The following SLC7A5 variants were observed in gnomAD, a reference collection of about 807,000 sequenced individuals.
SLC7A5 encodes solute carrier family 7 member 5.
A neutral mutation model predicts 50.2 loss-of-function variants in SLC7A5; 23 were observed. The ratio of observed to expected loss-of-function variants is 0.46; its 90% CI spans 0.33 to 0.65. The LOEUF is 0.65. Among genes scored for constraint, SLC7A5 ranks in the 30% least tolerant of loss-of-function variants. The probability of loss-of-function intolerance (pLI) is 0.02; values close to 1 mark genes in which losing one functional copy is unlikely to be tolerated. For synonymous variants in SLC7A5, 393 were observed against 330.6 expected, an observed-to-expected ratio of 1.19 and a Z score of -2.05; for missense variants, 578 against 684.4, an observed-to-expected ratio of 0.84 and a Z score of 1.73.
Position 87,837,931 on chromosome 16 carries a change from C to G in SLC7A5, c.1054G>C (p.Val352Leu). The G allele has an allele frequency of 6.2e-7, 1 of 1,604,022 alleles. No homozygotes were observed. The highest frequency in any genetic ancestry group is 8.5e-7 in the Non-Finnish European group (1 of 1,176,584). The change falls in exon 7 of 10, where the codon GTG becomes CTG. Residue 352 changes from valine to leucine, a missense_variant. Coordinates refer to ENST00000261622, the MANE Select transcript of SLC7A5 (RefSeq NM_003486.7). ...GGCAGGTGGCCTTCCCGGGACCCCA[C>G]GAAGAAGAGCCTGTGGACAGACAAG... ...SLFTSSRLFF[V>L]GSREGHLPSI...
At position 87,860,432 on chromosome 16, in the gene SLC7A5, C is replaced by A. The variant is rs1038632866; in HGVS notation, c.538+8453G>T. Among the ~76,000 whole-genome samples the A allele has an allele frequency of 6.7e-6, 1 of 150,022 alleles. No homozygotes were observed. The highest frequency in any genetic ancestry group is 2.5e-5 in the African/African-American group (1 of 40,626). On this transcript the variant is annotated intron_variant, in intron 1 of 9. Coordinates refer to ENST00000261622, the MANE Select transcript of SLC7A5 (RefSeq NM_003486.7). This position sits in a 1 kb window ranked among gnomAD's most constrained non-coding sequence, Gnocchi z 4.8. ...TATAAAGAAAAAGGAAATCTTCGAACCCACCTGTGACCAGGAAGCCCATCC... is the reference window on the plus strand; with the variant it reads ...TATAAAGAAAAAGGAAATCTTCGAAACCACCTGTGACCAGGAAGCCCATCC...
rs138164102 is a variant in SLC7A5, at chr16:87,861,703, C to G, written c.538+7182G>C. 1.4e-3 allele frequency among the ~76,000 whole-genome samples: 208 copies of G among 152,300 alleles called. 2 individuals are homozygous for G. Among genetic ancestry groups the G allele is most frequent in the African/African-American group, 4.8e-3 (198 of 41,562 alleles). On this transcript the variant is annotated intron_variant, in intron 1 of 9. Transcript: ENST00000261622. This position sits in a 1 kb window ranked among gnomAD's most constrained non-coding sequence, Gnocchi z 4.2. ...AACCCACCCTTCTGTGTGAAGGCGG[C>G]TGATACACATTTCTGGGCAAGATTC...
intron 2 of SLC7A5, among the ~76,000 whole-genome samples, chr16:87,849,770 G>A (rs1249509141): frequency 6.6e-6 from 1 of 152,102 alleles, no homozygotes; most frequent in Non-Finnish European, 1.5e-5. Context: ...GGGACTTCCT[G>A]CCAGCCCTGT....
Position 87,869,319 on chromosome 16 carries a change from G to T in SLC7A5, c.104C>A (p.Ser35Ter), listed in dbSNP as rs571025188. The T allele has an allele frequency of 6.2e-7, 1 of 1,610,750 alleles. No individual in the cohort carries two copies. The highest frequency in any genetic ancestry group is 8.5e-7 in the Non-Finnish European group (1 of 1,179,474). The change falls in exon 1 of 10, where the codon TCG becomes TAG. Residue 35 changes from serine (S) to a stop codon, truncating the protein, a stop_gained. Transcript: ENST00000261622. LOFTEE classifies it high-confidence loss of function. ...KMLAAKSADG[S>*]APAGEGEGVT... is the part of the protein sequence containing the mutation. ...GCCCTCGCCCTCGCCTGCCGGCGCC[G>T]AGCCGTCCGCGCTCTTGGCGGCCAG...
intron 1 of SLC7A5, among the ~76,000 whole-genome samples, chr16:87,858,264 C>T (rs1454391582): frequency 2.6e-5 from 4 of 152,154 alleles, no homozygotes; most frequent in Admixed American, 6.5e-5. Flanking sequence ...AAATACCTCG[C>T]GGACGTGTCT....
At chr16:87,844,952 G>C (rs948056642) in intron 2 of SLC7A5, among the ~76,000 whole-genome samples, 12 of 152,262 alleles carry the variant, frequency 7.9e-5, no homozygotes, top group African/African-American at 1.4e-4. Context: ...CCGGATTAGA[G>C]TAGGCACTAA....
At chr16:87,868,800 G>C in intron 1 of SLC7A5, 85 bp downstream of exon 1, 3 of 1,351,258 alleles carry the variant, frequency 2.2e-6, no homozygotes, top group Non-Finnish European at 3.1e-6. Flanking sequence ...ATGTAGAGAT[G>C]TGGGAGCCAG....
chr16:87,856,941 G>A (rs914176061), intron 1 of SLC7A5, among the ~76,000 whole-genome samples: 1 of 152,224 alleles, frequency 6.6e-6, no homozygotes, highest in African/African-American at 2.4e-5. Flanking sequence ...CAGGGAGGCT[G>A]GTGCTGCCGG....
chr16:87,850,687 G>A (rs1426173413), intron 2 of SLC7A5, among the ~76,000 whole-genome samples: 2 of 152,170 alleles, frequency 1.3e-5, no homozygotes, highest in African/African-American at 4.8e-5. Flanking sequence ...CATCCCTGCT[G>A]GACTCAAGCA....
At position 87,835,726 on chromosome 16, in the gene SLC7A5, G is replaced by A. The variant is rs567716521; in HGVS notation, c.1290+772C>T. Among the ~76,000 whole-genome samples, 69 of 152,148 alleles carry A rather than the reference G, an allele frequency of 4.5e-4. 1 individual carries two copies. The highest frequency in any genetic ancestry group is 1.2e-3 in the African/African-American group (50 of 41,522). Reference sequence around the variant, plus strand: ...CCTGACTTTGTGATCTGCCCGCCTCGGCCTCCCAAAGTGCTGGGATTACAG... The same window carrying A: ...CCTGACTTTGTGATCTGCCCGCCTCAGCCTCCCAAAGTGCTGGGATTACAG... On this transcript the variant is annotated intron_variant, in intron 8 of 9. Transcript: ENST00000261622.
Position 87,834,520 on chromosome 16 carries a change from T to C in SLC7A5, c.1362A>G (p.Thr454=). 1 of 1,596,376 alleles carries C rather than the reference T, an allele frequency of 6.3e-7. No individual in the cohort carries two copies. Among genetic ancestry groups the C allele is most frequent in the African/African-American group, 1.3e-5 (1 of 74,896 alleles). ...LFLIAVSFWK[T]PVECGIGFTI... ...TGAAGCCGATGCCACACTCCACGGG[T>C]GTCTTCCAGAAGGAGACGGCGATCA... is the stretch of plus-strand genomic sequence containing the variant. The change falls in exon 9 of 10, where the codon ACA becomes ACG. Residue 454 remains threonine (T), a synonymous_variant. Transcript: ENST00000261622.
At chr16:87,839,874 G>A (rs895496640) in intron 4 of SLC7A5, 49 bp from the exon 5 acceptor site, 14 of 1,611,080 alleles carry the variant, frequency 8.7e-6, no homozygotes, top group Non-Finnish European at 8.5e-6. Flanking sequence ...CGGGCTGAAG[G>A]CCAAACCCTG....
At chr16:87,845,375 C>A (rs1043169260) in intron 2 of SLC7A5, among the ~76,000 whole-genome samples, 3 of 152,184 alleles carry the variant, frequency 2.0e-5, no homozygotes, top group Non-Finnish European at 2.9e-5. Context: ...CAGTGACCGC[C>A]ACATGGGTTC....
At chr16:87,854,377 T>C (rs991200376) in intron 1 of SLC7A5, among the ~76,000 whole-genome samples, 4 of 152,076 alleles carry the variant, frequency 2.6e-5, no homozygotes, top group Non-Finnish European at 4.4e-5. Context: ...CACAGTGTCC[T>C]TTTTTTTACG....
chr16:87,858,746 C>T (rs555431782), intron 1 of SLC7A5, among the ~76,000 whole-genome samples: 120 of 152,266 alleles, frequency 7.9e-4, no homozygotes, highest in Middle Eastern at 3.4e-3. Flanking sequence ...GGCCAGCGTC[C>T]AAGCCAGTCC....
rs1338639183 is a variant in SLC7A5, at chr16:87,832,724, C to G, written c.*246G>C. 3 of 454,062 alleles carry G rather than the reference C, an allele frequency of 6.6e-6. No homozygotes were observed. In the East Asian group the frequency reaches 1.2e-4, roughly 19 times the overall value. 28.1% of individuals were successfully genotyped at this position (454,062 alleles called of 1,614,324 possible). A position where few individuals can be genotyped will look rare whatever the true frequency, so the allele number is the denominator to read the frequency against. ...CAAAGGAGGGAAGGGAAAAAGGGCC[C>G]AAGGAGACCAAAAGCTGCTCCTGGG... On this transcript the variant is annotated 3_prime_UTR_variant, in exon 10 of 10. Transcript: ENST00000261622. The surrounding 1 kb of genome is among the most constrained non-coding windows in gnomAD (Gnocchi z 4.6).
At position 87,861,261 on chromosome 16, in the gene SLC7A5, G is replaced by A. The variant is rs1330527136; in HGVS notation, c.538+7624C>T. Among the ~76,000 whole-genome samples, 1 of 152,194 alleles carries A rather than the reference G, an allele frequency of 6.6e-6. No homozygotes were observed. Among genetic ancestry groups the A allele is most frequent in the African/African-American group, 2.4e-5 (1 of 41,440 alleles). The stretch of plus-strand genomic sequence containing the variant: ...ATGTGAGTCTGGGAAGGATGGAGAA[G>A]GGTGGAGGAGCGCAAAGGGCCCCTA... On this transcript the variant is annotated intron_variant, in intron 1 of 9. Coordinates refer to ENST00000261622, the MANE Select transcript of SLC7A5 (RefSeq NM_003486.7). The surrounding 1 kb of genome is among the most constrained non-coding windows in gnomAD (Gnocchi z 4.2).
intron 2 of SLC7A5, among the ~76,000 whole-genome samples, chr16:87,842,990 C>T (rs1597498976): frequency 6.6e-6 from 1 of 152,192 alleles, no homozygotes; most frequent in East Asian, 1.9e-4. Flanking sequence ...GGGGGAGCAT[C>T]TGTCCTACAA....
At chr16:87,857,655 G>A (rs953962264) in intron 1 of SLC7A5, among the ~76,000 whole-genome samples, 35 of 152,172 alleles carry the variant, frequency 2.3e-4, no homozygotes, top group Non-Finnish European at 5.9e-5. Context: ...CCTTTGGGCC[G>A]GACATACAGA....
Sources: allele counts gnomAD v4.1 joint callset (sites outside exome capture counted in the v4.1 genomes callset), GRCh38; gene constraint gnomAD v4.1.1; non-coding constraint Gnocchi (gnomAD v3.1); transcripts MANE v1.5; gene names NCBI Gene and HGNC (gene_info 2026-07-23, HGNC 2026-07-21).